ZNF292: variants seen among roughly 807,000 people sequenced by gnomAD.
The protein encoded by ZNF292 is zinc finger protein 292, also known as 16 zinc-finger domain protein.
In ZNF292, 26 loss-of-function variants were observed where a neutral mutation model predicts 217.9. That is an observed-to-expected ratio of 0.12 (90% CI 0.09 to 0.17). The LOEUF (loss-of-function observed/expected upper bound fraction) is 0.17, where lower values mean the gene tolerates loss of function less well. Among genes scored for constraint, ZNF292 ranks in the 10% least tolerant of loss-of-function variants. The probability of loss-of-function intolerance (pLI) is 1.00; values close to 1 mark genes in which losing one functional copy is unlikely to be tolerated. For missense variants in ZNF292, 2,904 were observed against 3,175.2 expected, an observed-to-expected ratio of 0.91 and a Z score of 2.05; for synonymous variants, 1,257 against 1,124.1, an observed-to-expected ratio of 1.12 and a Z score of -2.37.
At position 87,257,277 on chromosome 6, in the gene ZNF292, T is replaced by G; in HGVS notation, c.3648T>G (p.Thr1216=). ...SMESVINPNI[T]SQDKNEQGGM... is the part of the protein sequence containing the mutation. ...AAAGTGTCATAAATCCAAATATAAC[T>G]TCTCAGGATAAAAATGAACAAGGTG... Residue 1216 remains threonine (T), a synonymous_variant, in exon 8 of 8, where the codon ACT becomes ACG. Transcript: ENST00000369577. The G allele has an allele frequency of 6.2e-7, 1 of 1,613,692 alleles. No individual in the cohort carries two copies. Among genetic ancestry groups the G allele is most frequent in the Non-Finnish European group, 8.5e-7 (1 of 1,179,802 alleles).
In ZNF292 at chr6:87,155,767, C is replaced by T. The variant is rs1288516085; in HGVS notation, c.168+8C>T. ...TGTCAGCAGCTGTGCCAGGTGAGGG[C>T]GCCCGGTGGTCCCCTCCCCCTTTCC... is the stretch of plus-strand genomic sequence containing the variant. On this transcript the variant is annotated splice_region_variant and intron_variant, in intron 1 of 7. Coordinates refer to ENST00000369577, the MANE Select transcript of ZNF292 (RefSeq NM_015021.3). 1.9e-6 allele frequency: 3 copies of T among 1,584,600 alleles called. No individual in the cohort carries two copies. Among genetic ancestry groups the T allele is most frequent in the Non-Finnish European group, 1.7e-6 (2 of 1,165,610 alleles).
chr6:87,160,973 T>C (rs1770731888), intron 1 of ZNF292, among the ~76,000 whole-genome samples: 1 of 152,140 alleles, frequency 6.6e-6, no homozygotes, highest in African/African-American at 2.4e-5. Flanking sequence ...CTAGAAGATT[T>C]TTTTTTTTAG....
intron 1 of ZNF292, among the ~76,000 whole-genome samples, chr6:87,191,534 G>A (rs760351522): frequency 1.6e-4 from 24 of 152,134 alleles, no homozygotes; most frequent in Non-Finnish European, 3.4e-4. Flanking sequence ...AGAATTTTTG[G>A]TTCAGAGAGT....
chr6:87,218,656 G>A lies in ZNF292; in HGVS notation c.463G>A (p.Ala155Thr). 2 of 1,587,894 alleles carry A rather than the reference G, an allele frequency of 1.3e-6. No individual in the cohort carries two copies. Among genetic ancestry groups the A allele is most frequent in the Non-Finnish European group, 1.7e-6 (2 of 1,166,848 alleles). Residue 155 changes from alanine (A) to threonine (T), a missense_variant, in exon 4 of 8, where the codon GCT becomes ACT. This residue lies in a region of ZNF292 where 313 missense variants were observed against 451.0 expected (regional missense o/e 0.69). Coordinates refer to ENST00000369577, the MANE Select transcript of ZNF292 (RefSeq NM_015021.3). Reference protein sequence around the residue: ...SCELHFLATLAQETGVWKNPV... With the variant: ...SCELHFLATLTQETGVWKNPV... ...TGAATTGCATTTTTTAGCTACTCTA[G>A]CTCAAGAGACTGGGGTGTGGAAAAA...
chr6:87,185,406 C>T (rs889214652), intron 1 of ZNF292, among the ~76,000 whole-genome samples: 6 of 152,302 alleles, frequency 3.9e-5, no homozygotes, highest in Non-Finnish European at 5.9e-5. Context: ...CTTTCGTTAC[C>T]GGTGTCACAA....
intron 1 of ZNF292, among the ~76,000 whole-genome samples, chr6:87,214,696 GGGAAAGGAAA>G (rs904127227): frequency 2.0e-5 from 3 of 152,034 alleles, no homozygotes; most frequent in African/African-American, 7.3e-5. Context: ...ACTTCTTAGG[GGGAAAGGAAA>G]GGAAAGGATT....
intron 1 of ZNF292, among the ~76,000 whole-genome samples, chr6:87,189,735 C>G (rs945307481): frequency 6.6e-6 from 1 of 151,684 alleles, no homozygotes; most frequent in Non-Finnish European, 1.5e-5. Flanking sequence ...GTTAACTTAC[C>G]TGGCTGGTTT....
At chr6:87,203,996 G>T (rs1199971490) in intron 1 of ZNF292, among the ~76,000 whole-genome samples, 1 of 152,146 alleles carries the variant, frequency 6.6e-6, no homozygotes, top group Admixed American at 6.5e-5. Context: ...TCCATAATGT[G>T]TACCACCTGA....
Position 87,261,208 on chromosome 6 carries a change from G to C in ZNF292, c.7579G>C (p.Ala2527Pro). ...CCTCTGCCAGTCAGAAAGACAAAAAGCAAGTAATTTGAAGAGAGTTAATAA... is the reference window on the plus strand; with the variant it reads ...CCTCTGCCAGTCAGAAAGACAAAAACCAAGTAATTTGAAGAGAGTTAATAA... ...DNLCQSERQKASNLKRVNKEK... is the reference protein window; with the variant it reads ...DNLCQSERQKPSNLKRVNKEK... Residue 2527 changes from alanine (A) to proline (P), a missense_variant, in exon 8 of 8, where the codon GCA (alanine) becomes CCA (proline). Physicochemically the swap from Ala to Pro is conservative, Grantham distance 27. Around this residue, in one of 15 missense-constraint regions of ZNF292, gnomAD observed 380 missense variants for 355.3 expected, o/e 1.07. Transcript: ENST00000369577. The C allele has an allele frequency of 6.2e-7, 1 of 1,610,800 alleles. No homozygotes were observed. The highest frequency in any genetic ancestry group is 8.5e-7 in the Non-Finnish European group (1 of 1,179,022).
Position 87,245,784 on chromosome 6 carries a change from C to G in ZNF292, c.1020+140C>G, listed in dbSNP as rs191094745. ...GTCCTTTGAACATTTTCTTGTTAGTCCTTTAAGATATTTGATACAGAAAAA... is the reference window on the plus strand; with the variant it reads ...GTCCTTTGAACATTTTCTTGTTAGTGCTTTAAGATATTTGATACAGAAAAA... On this transcript the variant is annotated intron_variant, in intron 7 of 7. Transcript: ENST00000369577. 2.7e-4 allele frequency: 152 copies of G among 566,012 alleles called. 1 individual carries two copies. The East Asian group carries it at 3.4e-3, about 12-fold the overall frequency. The allele number at this position is 566,012 out of a possible 1,614,324, so 35.1% of individuals were successfully genotyped here.
intron 1 of ZNF292, among the ~76,000 whole-genome samples, chr6:87,212,694 TC>T (rs755908833): frequency 1.3e-5 from 2 of 152,206 alleles, no homozygotes; most frequent in Non-Finnish European, 2.9e-5. Flanking sequence ...ATCATTGAAT[TC>T]CAAATTTTCT....
chr6:87,259,051 G>A lies in ZNF292; in HGVS notation c.5422G>A (p.Asp1808Asn), dbSNP rs556893194. The stretch of plus-strand genomic sequence containing the variant: ...CACTGTGCAAAATAACAAATTACCC[G>A]ATTCTTCTCCGTTTTCCTCCTTTAT... ...VNTVQNNKLP[D>N]SSPFSSFISV... Residue 1808 changes from aspartate (D) to asparagine (N), a missense_variant, in exon 8 of 8, where the codon GAT becomes AAT. By Grantham distance (23) the Asp-to-Asn change is conservative. This residue lies in a region of ZNF292 where 622 missense variants were observed against 573.1 expected (regional missense o/e 1.09). Transcript: ENST00000369577. 1.1e-4 allele frequency: 181 copies of A among 1,613,284 alleles called. 2 individuals carry two copies. In the South Asian group the frequency reaches 1.3e-3, roughly 12 times the overall value.
In ZNF292 at chr6:87,261,314, G is replaced by A. The variant is rs369406915; in HGVS notation, c.7685G>A (p.Arg2562His). The change falls in exon 8 of 8, where the codon CGT becomes CAT. Residue 2562 changes from arginine (R) to histidine (H), a missense_variant. Physicochemically the swap from Arg to His is conservative, Grantham distance 29. Transcript: ENST00000369577. ...PASAAELSSV[R>H]KEEETAVAIQ... ...TCAGCAGCTGAGTTAAGTAGCGTGCGTAAAGAAGAAGAAACTGCTGTTGCC... is the reference window on the plus strand; with the variant it reads ...TCAGCAGCTGAGTTAAGTAGCGTGCATAAAGAAGAAGAAACTGCTGTTGCC... 3.0e-5 allele frequency: 49 copies of A among 1,613,424 alleles called. No homozygotes were observed. In the Middle Eastern group the frequency reaches 4.9e-4, roughly 16 times the overall value.
At chr6:87,175,683 G>A (rs1320630176) in intron 1 of ZNF292, among the ~76,000 whole-genome samples, 3 of 152,208 alleles carry the variant, frequency 2.0e-5, no homozygotes, top group Non-Finnish European at 2.9e-5. Context: ...CATATCTGTA[G>A]TACTTGTAGA....
At chr6:87,246,853 TCAAAAA>T (rs374076321) in intron 7 of ZNF292, among the ~76,000 whole-genome samples, 1 of 150,792 alleles carries the variant, frequency 6.6e-6, no homozygotes, top group African/African-American at 2.4e-5. Flanking sequence ...AGATCCTGTC[TCAAAAA>T]CAAAAAGCAG....
intron 1 of ZNF292, chr6:87,173,990 C>T (rs902446827): frequency 1.5e-5 from 4 of 265,916 alleles, no homozygotes. Context: ...ACAAAATCTG[C>T]TTCAATGTTA....
At chr6:87,159,424 A>G (rs963040318) in intron 1 of ZNF292, among the ~76,000 whole-genome samples, 28 of 150,376 alleles carry the variant, frequency 1.9e-4, no homozygotes, top group Admixed American at 5.9e-4. Context: ...TTGCCCAGGT[A>G]TGATCATAGC....
Position 87,251,490 on chromosome 6 carries a change from G to T in ZNF292, c.1021-3160G>T, listed in dbSNP as rs114550689. 9.4e-3 allele frequency among the ~76,000 whole-genome samples: 1,436 copies of T among 152,258 alleles called. 20 individuals are homozygous for T. Among genetic ancestry groups the T allele is most frequent in the African/African-American group, 0.033 (1,352 of 41,540 alleles). On this transcript the variant is annotated intron_variant, in intron 7 of 7. Coordinates refer to ENST00000369577, the MANE Select transcript of ZNF292 (RefSeq NM_015021.3). ...TTCTGTTTTCCAGAACTTACCTGGT[G>T]CTGTTCTTTTCCTGGAAAGGGATTG...
intron 1 of ZNF292, chr6:87,174,372 AT>A (rs1176279959): frequency 8.1e-6 from 1 of 122,890 alleles, no homozygotes; most frequent in African/African-American, 3.3e-5. Context: ...CAGTTAAAAA[AT>A]AGAATAGGGA....
Sources: gnomAD v4.1 joint callset for allele counts (sites outside exome capture counted in the v4.1 genomes callset) on GRCh38, gnomAD v4.1.1 for gene constraint, gnomAD v4.1.1 regional missense constraint, MANE v1.5 for transcripts, NCBI Gene and HGNC (gene_info 2026-07-23, HGNC 2026-07-21) for gene names.